The following CHID1 variants were observed in gnomAD, a reference collection of about 807,000 sequenced individuals.
CHID1 encodes the protein chitinase domain containing 1.
CHID1 carries 44 observed loss-of-function variants against 55.4 expected under a neutral mutation model. The observed-to-expected ratio is 0.79, with a 90% confidence interval of 0.62 to 1.02. The LOEUF (loss-of-function observed/expected upper bound fraction) is 1.02. CHID1 is among the 50% of genes least tolerant of loss of function. The pLI is 0.00. For missense variants in CHID1, 491 were observed against 515.3 expected (o/e 0.95, Z 0.46); for synonymous variants, 216 against 212.9 (o/e 1.01, Z -0.13).
intron 11 of CHID1, 85 bp from the exon 12 acceptor site, chr11:870,248 C>A (rs1849074910): frequency 1.9e-6 from 3 of 1,568,860 alleles, no homozygotes; most frequent in Non-Finnish European, 1.8e-6. Flanking sequence ...GGCCTGTACT[C>A]CTCCCACCCA....
At chr11:884,772 G>C (rs1010600593) in intron 8 of CHID1, among the ~76,000 whole-genome samples, 2 of 152,236 alleles carry the variant, frequency 1.3e-5, no homozygotes, top group Non-Finnish European at 2.9e-5. Context: ...GCCAGGGCAG[G>C]TGGTCGGCTG....
intron 7 of CHID1, among the ~76,000 whole-genome samples, chr11:896,976 A>C (rs910440064): frequency 3.9e-5 from 2 of 50,786 alleles, no homozygotes; most frequent in Non-Finnish European, 7.2e-5. Flanking sequence ...CTGTCTCAGC[A>C]CCCCCAGCCT....
chr11:879,428 A>T (rs1231054934), intron 10 of CHID1, among the ~76,000 whole-genome samples: 1 of 41,576 alleles, frequency 2.4e-5, no homozygotes, highest in Non-Finnish European at 4.5e-5. Flanking sequence ...GCTGTAATGC[A>T]ACATGACTGG....
chr11:873,660 AACAG>A (rs1849319236), intron 10 of CHID1, among the ~76,000 whole-genome samples: 1 of 152,146 alleles, frequency 6.6e-6, no homozygotes, highest in Non-Finnish European at 1.5e-5. Context: ...AAACATCCAG[AACAG>A]ACAAACCTAC....
intron 8 of CHID1, among the ~76,000 whole-genome samples, chr11:885,425 C>T (rs931764832): frequency 6.6e-6 from 1 of 152,218 alleles, no homozygotes; most frequent in Non-Finnish European, 1.5e-5. Flanking sequence ...CTGTCCACCC[C>T]AGGCTGTCCC....
chr11:876,486 C>T (rs1235747713), intron 10 of CHID1, among the ~76,000 whole-genome samples: 2 of 152,178 alleles, frequency 1.3e-5, no homozygotes, highest in Non-Finnish European at 2.9e-5. Context: ...CAGGCGGAGG[C>T]AGGAGTGCCG....
intron 10 of CHID1, chr11:882,844 C>G: frequency 3.2e-6 from 1 of 311,360 alleles, no homozygotes. Context: ...CCCAGGAGGC[C>G]CCGGCCCGGC....
At chr11:908,639 TGGAAATCTG>T in intron 1 of CHID1, 1 of 984,644 alleles carries the variant, frequency 1.0e-6, no homozygotes. Flanking sequence ...GTCTTCTGGG[TGGAAATCTG>T]GGTCAGGGAG....
chr11:894,981 T>TG (rs1565188759), intron 7 of CHID1, among the ~76,000 whole-genome samples: 1 of 152,104 alleles, frequency 6.6e-6, no homozygotes, highest in Non-Finnish European at 1.5e-5. Flanking sequence ...CAGTCCTCAG[T>TG]GGGGAGCAGT....
chr11:893,293 A>T, intron 8 of CHID1, 134 bp downstream of exon 8: 1 of 645,346 alleles, frequency 1.5e-6, no homozygotes, highest in Non-Finnish European at 2.6e-6. Context: ...TGGCAGCTGA[A>T]GCCTCTATAC....
upstream of CHID1, chr11:910,956 C>G (rs1449869100): frequency 7.3e-6 from 3 of 412,374 alleles, no homozygotes; most frequent in Non-Finnish European, 9.7e-6. Flanking sequence ...GGGCCGGGGC[C>G]GGGGCCGGGG....
At chr11:901,161 A>T (rs1025105916) in intron 4 of CHID1, among the ~76,000 whole-genome samples, 181 bp from the exon 5 acceptor site, 7 of 151,606 alleles carry the variant, frequency 4.6e-5, no homozygotes, top group Non-Finnish European at 1.5e-5. Flanking sequence ...CCTCTTCCTG[A>T]CCCCAACTCT....
At position 884,049 on chromosome 11, in the gene CHID1, C is replaced by T. The variant is rs769841632; in HGVS notation, c.803+19G>A. On this transcript the variant is annotated intron_variant, in intron 9 of 12. Coordinates refer to ENST00000323578, the MANE Select transcript of CHID1 (RefSeq NM_023947.4). Reference sequence around the variant, plus strand: ...TGTGGAGTTTGCTGTGCCCAGGAGCCCCCCAAGCCCACACTCACTGATGCG... The same window carrying T: ...TGTGGAGTTTGCTGTGCCCAGGAGCTCCCCAAGCCCACACTCACTGATGCG... 1 of 1,596,730 alleles carries T rather than the reference C, an allele frequency of 6.3e-7. No individual in the cohort carries two copies. Among genetic ancestry groups the T allele is most frequent in the South Asian group, 1.1e-5 (1 of 90,728 alleles).
intron 8 of CHID1, among the ~76,000 whole-genome samples, chr11:889,837 C>T (rs971604342): frequency 2.0e-5 from 3 of 152,234 alleles, no homozygotes; most frequent in Non-Finnish European, 2.9e-5. Flanking sequence ...ATGCTCAGGG[C>T]ATCTGCCCCC....
rs1289518161 is a variant in CHID1, at chr11:875,383, G to A, written c.960-4884C>T. Reference sequence around the variant, plus strand: ...GTCTCCCGCTCGGGGAGGCGGGCGTGGCTGGGCCCGCAGGTAATGCCAGCC... The same window carrying A: ...GTCTCCCGCTCGGGGAGGCGGGCGTAGCTGGGCCCGCAGGTAATGCCAGCC... On this transcript the variant is annotated intron_variant, in intron 10 of 12. Transcript: ENST00000323578. The surrounding 1 kb of genome is among the most constrained non-coding windows in gnomAD (Gnocchi z 4.7). 6.6e-6 allele frequency among the ~76,000 whole-genome samples: 1 copy of A among 152,216 alleles called. No homozygotes were observed. The highest frequency in any genetic ancestry group is 1.5e-5 in the Non-Finnish European group (1 of 68,046).
chr11:906,322 T>C (rs1852212859), intron 1 of CHID1, among the ~76,000 whole-genome samples: 1 of 150,358 alleles, frequency 6.7e-6, no homozygotes. Flanking sequence ...CACTGCAACC[T>C]CCACCTCCTG....
In CHID1 at chr11:870,400, C is replaced by T. The variant is rs73407221; in HGVS notation, c.1040+19G>A. The T allele has an allele frequency of 7.6e-4, 1,218 of 1,593,758 alleles. 7 individuals are homozygous for T. In the African/African-American group the frequency reaches 0.015, roughly 20 times the overall value. ...CTGCACACAAGGCCAAGGTGGGCCA[C>T]GCACTTCAAAACACTCACTTCTTGT... On this transcript the variant is annotated intron_variant, in intron 11 of 12. Transcript: ENST00000323578.
intron 8 of CHID1, among the ~76,000 whole-genome samples, chr11:884,747 C>T (rs1453288857): frequency 6.6e-6 from 1 of 152,232 alleles, no homozygotes; most frequent in Non-Finnish European, 1.5e-5. Context: ...CATTCCCCAG[C>T]ATGGGGGAAG....
chr11:873,280 G>A (rs1413344326), intron 10 of CHID1, among the ~76,000 whole-genome samples: 2 of 152,138 alleles, frequency 1.3e-5, no homozygotes, highest in African/African-American at 4.8e-5. Flanking sequence ...GAGGGCCGCA[G>A]ACACACACAG....
Sources: gnomAD v4.1 joint callset for allele counts (sites outside exome capture counted in the v4.1 genomes callset) on GRCh38, gnomAD v4.1.1 for gene constraint, Gnocchi (gnomAD v3.1) non-coding constraint, MANE v1.5 for transcripts, NCBI Gene and HGNC (gene_info 2026-07-23, HGNC 2026-07-21) for gene names.